Variants in ZNF324B observed in about 807,000 individuals in gnomAD.
ZNF324B encodes the protein zinc finger protein 324B.
Under a neutral mutation model 10.6 loss-of-function variants are expected in ZNF324B, and 7 were observed. The ratio of observed to expected loss-of-function variants is 0.66; its 90% confidence interval spans 0.38 to 1.24. ZNF324B has a LOEUF of 1.24. ZNF324B is among the 50% of genes most tolerant of loss of function. ZNF324B has a pLI of 0.02. For synonymous variants in ZNF324B, 316 were observed against 321.0 expected, an observed-to-expected ratio of 0.98 and a Z score of 0.17; for missense variants, 640 against 764.7, an observed-to-expected ratio of 0.84 and a Z score of 1.92.
chr19:58,443,863 T>G, the ZNF324B span: 1 of 152,294 alleles, frequency 6.6e-6, no homozygotes. Flanking sequence ...TGATTTGTCA[T>G]GGGGTGGATC....
the ZNF324B span, among the ~76,000 whole-genome samples, chr19:58,427,286 G>A: frequency 2.3e-5 from 2 of 85,634 alleles, no homozygotes; most frequent in African/African-American, 7.1e-5. Flanking sequence ...CACCATGCCT[G>A]GCTTTTTTCT....
At chr19:58,454,417 C>T (rs182910541) in intron 3 of ZNF324B, 73 bp downstream of exon 3, 1 of 958,506 alleles carries the variant, frequency 1.0e-6, no homozygotes, top group Admixed American at 1.8e-5. Context: ...TTTTCTGACT[C>T]TGGAAACACA....
At chr19:58,441,116 C>T in the ZNF324B span, 3 of 152,302 alleles carry the variant, frequency 2.0e-5, no homozygotes, top group Non-Finnish European at 4.4e-5. Flanking sequence ...CAGGCAGGCT[C>T]TCATGCCCCC....
intron 2 of ZNF324B, 86 bp downstream of exon 2, chr19:58,453,908 C>G: frequency 6.5e-7 from 1 of 1,540,830 alleles, no homozygotes; most frequent in Non-Finnish European, 8.8e-7. Context: ...TGAGCAGGAT[C>G]AAATCTGGCC....
At chr19:58,424,250 A>G in the ZNF324B span, among the ~76,000 whole-genome samples, 2 of 152,242 alleles carry the variant, frequency 1.3e-5, no homozygotes, top group African/African-American at 2.4e-5. Flanking sequence ...ACTCAGTCTC[A>G]AAAGAACAAA....
At chr19:58,454,636 A>G (rs1460024006) in intron 3 of ZNF324B, 1 of 561,266 alleles carries the variant, frequency 1.8e-6, no homozygotes, top group Admixed American at 3.2e-5. Context: ...TTCGCCCATC[A>G]TTTATCTTTG....
chr19:58,424,402 A>C, the ZNF324B span, among the ~76,000 whole-genome samples: 8 of 152,350 alleles, frequency 5.3e-5, no homozygotes, highest in African/African-American at 1.9e-4. Flanking sequence ...TAATCATCCA[A>C]AGTTTAAAAT....
At chr19:58,421,263 T>G in the ZNF324B span, among the ~76,000 whole-genome samples, 1 of 152,094 alleles carries the variant, frequency 6.6e-6, no homozygotes, top group African/African-American at 2.4e-5. Context: ...AAAAATCCCT[T>G]GAAGGAGGAA....
rs778943072 is a variant in ZNF324B at position 58,455,680 on chromosome 19, C to G, written c.736C>G (p.Leu246Val). 8.1e-6 allele frequency: 13 copies of G among 1,613,388 alleles called. No individual in the cohort carries two copies. The South Asian group carries it at 9.9e-5, about 12-fold the overall frequency. Reference protein sequence around the residue: ...GGQEPSTWDELGEALHAGEKS... With the variant: ...GGQEPSTWDEVGEALHAGEKS... ...CCAGGAGCCCTCGACCTGGGACGAGCTGGGCGAGGCTCTTCACGCTGGGGA... is the reference window on the plus strand; with the variant it reads ...CCAGGAGCCCTCGACCTGGGACGAGGTGGGCGAGGCTCTTCACGCTGGGGA... Residue 246 changes from leucine to valine, a missense_variant, in exon 4 of 4, where the codon CTG becomes GTG. By Grantham distance (32) the Leu-to-Val change is conservative. Coordinates refer to ENST00000336614, the MANE Select transcript of ZNF324B (RefSeq NM_207395.3). The surrounding 1 kb of genome is among the most constrained non-coding windows in gnomAD (Gnocchi z 7.0).
At chr19:58,427,391 T>C in the ZNF324B span, among the ~76,000 whole-genome samples, 36 of 50,114 alleles carry the variant, frequency 7.2e-4, no homozygotes, top group Middle Eastern at 8.9e-3. Flanking sequence ...TCTTTCTTTC[T>C]TTCTTTCTTT....
chr19:58,437,267 T>C, the ZNF324B span: 1 of 1,529,924 alleles, frequency 6.5e-7, no homozygotes, highest in Non-Finnish European at 8.8e-7. Flanking sequence ...GACCTTGCTG[T>C]GTGACTCAGA....
the ZNF324B span, among the ~76,000 whole-genome samples, chr19:58,419,914 G>A: frequency 6.6e-6 from 1 of 152,128 alleles, no homozygotes; most frequent in Non-Finnish European, 1.5e-5. Flanking sequence ...AGGGATTCAA[G>A]TGATCCTTCT....
At chr19:58,448,013 T>C (rs1335058152), upstream of ZNF324B, among the ~76,000 whole-genome samples, 1 of 152,194 alleles carries the variant, frequency 6.6e-6, no homozygotes, top group Non-Finnish European at 1.5e-5. Flanking sequence ...GAACTGTGAG[T>C]CCATTAAACC....
chr19:58,427,439 C>CTT, the ZNF324B span, among the ~76,000 whole-genome samples: 9 of 34,348 alleles, frequency 2.6e-4, no homozygotes, highest in African/African-American at 1.3e-3. Flanking sequence ...TCCTTCCTTC[C>CTT]TTCCTTTCCT....
At chr19:58,427,053 C>T in the ZNF324B span, among the ~76,000 whole-genome samples, 1 of 152,304 alleles carries the variant, frequency 6.6e-6, no homozygotes, top group East Asian at 1.9e-4. Flanking sequence ...AGTCGGAGAT[C>T]AGAAGGCAGG....
At chr19:58,434,469 C>T in the ZNF324B span, 2 of 1,614,216 alleles carry the variant, frequency 1.2e-6, no homozygotes, top group East Asian at 2.2e-5. Flanking sequence ...TGAAGGTTTT[C>T]CCACATGCAA....
At chr19:58,452,280 G>A (rs2052867939) in intron 1 of ZNF324B, 1 of 152,344 alleles carries the variant, frequency 6.6e-6, no homozygotes, top group Non-Finnish European at 1.5e-5. Context: ...CTGGAGTAGA[G>A]GGGATGTGTG....
chr19:58,446,960 GTCCTT>G (rs1019421220), upstream of ZNF324B, among the ~76,000 whole-genome samples: 1 of 130,546 alleles, frequency 7.7e-6, no homozygotes, highest in African/African-American at 2.9e-5. Context: ...TTCTTTTCTC[GTCCTT>G]TCTTTTCTTT....
Position 58,455,088 on chromosome 19 carries a change from C to G in ZNF324B, c.239-95C>G, listed in dbSNP as rs1211613812. 6.5e-7 allele frequency: 1 copy of G among 1,548,136 alleles called. No homozygotes were observed. The highest frequency in any genetic ancestry group is 1.4e-5 in the African/African-American group (1 of 69,930). Reference sequence around the variant, plus strand: ...TCTTCTTTTTCCCTAAGCTTTTGTCCCGGCTCCTGGGCTCCCCCTTGCCTG... The same window carrying G: ...TCTTCTTTTTCCCTAAGCTTTTGTCGCGGCTCCTGGGCTCCCCCTTGCCTG... On this transcript the variant is annotated intron_variant, in intron 3 of 3. Transcript: ENST00000336614. This position sits in a 1 kb window ranked among gnomAD's most constrained non-coding sequence, Gnocchi z 7.0.
Sources: gnomAD v4.1 joint callset for allele counts (sites outside exome capture counted in the v4.1 genomes callset) on GRCh38, gnomAD v4.1.1 for gene constraint, Gnocchi (gnomAD v3.1) non-coding constraint, MANE v1.5 for transcripts, NCBI Gene and HGNC (gene_info 2026-07-23, HGNC 2026-07-21) for gene names.